The following PAH variants were observed in gnomAD, a reference collection of about 807,000 sequenced individuals.
The protein encoded by PAH is phenylalanine hydroxylase.
A neutral mutation model predicts 62.0 loss-of-function variants in PAH; 64 were observed. That is an observed-to-expected ratio of 1.03 (90% CI 0.84 to 1.27). PAH has a LOEUF of 1.27. PAH is among the 50% of genes most tolerant of loss of function. PAH has a pLI of 0.00. For synonymous variants in PAH, 195 were observed against 196.2 expected (o/e 0.99, Z 0.05); for missense variants, 579 against 542.8 (o/e 1.07, Z -0.66).
At position 102,873,254 on chromosome 12, in the gene PAH, A is replaced by G. The variant is rs768289083; in HGVS notation, c.441+4208T>C. On this transcript the variant is annotated intron_variant, in intron 4 of 12. Transcript: ENST00000553106. ...CTTTGCAGTTAGTAGTGGGCACGTG[A>G]CTGAGCTCTACTCAATGGAATTTGA... Among the ~76,000 whole-genome samples the G allele has an allele frequency of 5.2e-4, 79 of 152,310 alleles. No homozygotes were observed. In the Middle Eastern group the frequency reaches 0.01, roughly 20 times the overall value.
chr12:102,942,472 ATT>A (rs1216745162), intron 1 of PAH, among the ~76,000 whole-genome samples: 2 of 152,204 alleles, frequency 1.3e-5, no homozygotes, highest in East Asian at 3.8e-4. Context: ...AAGAATTAAC[ATT>A]GGTAAAATGG....
intron 4 of PAH, among the ~76,000 whole-genome samples, chr12:102,868,252 A>G (rs1245282713): frequency 6.7e-6 from 1 of 148,504 alleles, no homozygotes; most frequent in Non-Finnish European, 1.5e-5. Flanking sequence ...ATGTAATATA[A>G]TGTAATTTGT....
chr12:102,872,508 T>C (rs1272976044), intron 4 of PAH, among the ~76,000 whole-genome samples: 1 of 152,222 alleles, frequency 6.6e-6, no homozygotes, highest in African/African-American at 2.4e-5. Context: ...GACTGACTCT[T>C]AGAAGGAACT....
intron 4 of PAH, among the ~76,000 whole-genome samples, chr12:102,875,612 T>TC (rs1876528887): frequency 6.6e-6 from 1 of 152,190 alleles, no homozygotes; most frequent in African/African-American, 2.4e-5. Context: ...GCCCCAGGGC[T>TC]CCTGGGAGTA....
chr12:102,843,420 G>C (rs1375459706), intron 11 of PAH, among the ~76,000 whole-genome samples: 1 of 152,106 alleles, frequency 6.6e-6, no homozygotes, highest in Admixed American at 6.5e-5. Flanking sequence ...CTTGGTGGTT[G>C]CGTTGAACAG....
chr12:102,929,844 T>TA (rs1878798368), intron 1 of PAH, among the ~76,000 whole-genome samples: 1 of 152,120 alleles, frequency 6.6e-6, no homozygotes, highest in Admixed American at 6.6e-5. Context: ...AGATGACTCT[T>TA]AGGCTGCTAA....
At chr12:102,951,462 C>G (rs554753855), upstream of PAH, among the ~76,000 whole-genome samples, 1 of 152,302 alleles carries the variant, frequency 6.6e-6, no homozygotes, top group South Asian at 2.1e-4. Context: ...CCTAACTTCT[C>G]CATTAACAAC....
At chr12:102,899,939 C>CAAGACATGAG (rs1348650917) in intron 2 of PAH, among the ~76,000 whole-genome samples, 1 of 146,990 alleles carries the variant, frequency 6.8e-6, no homozygotes, top group Non-Finnish European at 1.5e-5. Context: ...GTAAGCACTT[C>CAAGACATGAG]AAGACATGAG....
In PAH at chr12:102,877,545, AG is replaced by A. The variant is rs794727619; in HGVS notation, c.357del (p.Trp120GlyfsTer75). Reference protein sequence around the residue: ...LSRDKKKDTVPWFPRTIQELD... With the variant: ...LSRDKKKDTVXWFPRTIQELD... The stretch of plus-strand genomic sequence containing the variant: ...AGCTCTTGAATGGTTCTTGGGAACC[AG>A]GGCACTGAAACACAGAGAAGGCAAC... On this transcript the variant is annotated frameshift_variant, in exon 4 of 13. Coordinates refer to ENST00000553106, the MANE Select transcript of PAH (RefSeq NM_000277.3). LOFTEE classifies it high-confidence loss of function. 7 of 1,613,652 alleles carry A rather than the reference AG, an allele frequency of 4.3e-6. No homozygotes were observed. Among genetic ancestry groups the A allele is most frequent in the African/African-American group, 1.3e-5 (1 of 74,922 alleles).
chr12:102,882,617 C>A (rs1243250148), intron 3 of PAH, among the ~76,000 whole-genome samples: 1 of 139,810 alleles, frequency 7.2e-6, no homozygotes. Context: ...CTATATATAT[C>A]TGTATATATA....
Position 102,894,900 on chromosome 12 carries a change from T to C in PAH, c.187A>G (p.Thr63Ala), listed in dbSNP as rs199475568. Residue 63 changes from threonine to alanine, a missense_variant, in exon 3 of 13, where the codon ACC (threonine) becomes GCC (alanine). By Grantham distance (58) the Thr-to-Ala change is moderately conservative (BLOSUM62 0). Coordinates refer to ENST00000553106, the MANE Select transcript of PAH (RefSeq NM_000277.3). ...RLFEENDVNL[T>A]HIESRPSRLK... ...CGAGAAGGTCTAGATTCAATGTGGG[T>C]CAGGTTTACATCATTCTCCTAGAAG... 6.2e-7 allele frequency: 1 copy of C among 1,613,396 alleles called. No homozygotes were observed. Among genetic ancestry groups the C allele is most frequent in the South Asian group, 1.1e-5 (1 of 91,074 alleles).
At chr12:102,924,836 A>G (rs1878643647) in intron 1 of PAH, among the ~76,000 whole-genome samples, 1 of 152,162 alleles carries the variant, frequency 6.6e-6, no homozygotes, top group Admixed American at 6.5e-5. Context: ...CAATGAAAAT[A>G]TGGACCTCAT....
chr12:102,909,769 G>A (rs1245484773), intron 2 of PAH, among the ~76,000 whole-genome samples: 2 of 152,148 alleles, frequency 1.3e-5, no homozygotes, highest in Admixed American at 6.5e-5. Flanking sequence ...GATCAGCTTG[G>A]GCAACATGGT....
chr12:102,841,396 C>CT (rs1256506502), intron 11 of PAH, among the ~76,000 whole-genome samples: 1 of 152,120 alleles, frequency 6.6e-6, no homozygotes, highest in African/African-American at 2.4e-5. Flanking sequence ...GTAGGGACCT[C>CT]CAAGTTTGGC....
chr12:102,956,283 A>G (rs1879908628), intron 1 of PAH, among the ~76,000 whole-genome samples: 2 of 152,310 alleles, frequency 1.3e-5, no homozygotes, highest in South Asian at 2.1e-4. Context: ...CCTTAAAGAG[A>G]TGGGGCCTAT....
At chr12:102,866,708 AG>A (rs757162919) in intron 4 of PAH, 45 bp from the exon 5 acceptor site, 1 of 1,474,638 alleles carries the variant, frequency 6.8e-7, no homozygotes, top group South Asian at 1.1e-5. Context: ...TCATAGGAAG[AG>A]GTCTGGTACC....
At chr12:102,944,015 A>G (rs1879393924) in intron 1 of PAH, among the ~76,000 whole-genome samples, 1 of 152,226 alleles carries the variant, frequency 6.6e-6, no homozygotes, top group Non-Finnish European at 1.5e-5. Flanking sequence ...CTGTAGGTAT[A>G]GTCCCTGAAC....
At chr12:102,917,781 G>A (rs1331130427), upstream of PAH, among the ~76,000 whole-genome samples, 14 of 152,204 alleles carry the variant, frequency 9.2e-5, no homozygotes, top group Non-Finnish European at 4.4e-5. Flanking sequence ...ATCCAGCCTG[G>A]TGTTCTCCAG....
rs1473208501 is a variant in PAH at position 102,956,953 on chromosome 12, G to A, written c.-96+1242C>T. The stretch of plus-strand genomic sequence containing the variant: ...AGACGAGGAAGCGAAGGCTCAGAGA[G>A]GATGCCACTTCGAGGAGCCACAGAG... On this transcript the variant is annotated intron_variant, in intron 1 of 4. Transcript: ENST00000551337. Among the ~76,000 whole-genome samples, 3 of 152,288 alleles carry A rather than the reference G, an allele frequency of 2.0e-5. No individual in the cohort carries two copies. In the East Asian group the frequency reaches 5.8e-4, roughly 29 times the overall value.
Sources: allele counts gnomAD v4.1 joint callset (sites outside exome capture counted in the v4.1 genomes callset), GRCh38; gene constraint gnomAD v4.1.1; transcripts MANE v1.5; gene names NCBI Gene and HGNC (gene_info 2026-07-23, HGNC 2026-07-21).